The following SCHIP1 variants were observed in gnomAD, a reference collection of about 807,000 sequenced individuals.
The protein encoded by SCHIP1 is schwannomin-interacting protein 1.
In SCHIP1, 8 loss-of-function variants were observed where a neutral mutation model predicts 29.7. The ratio of observed to expected loss-of-function variants is 0.27; its 90% CI spans 0.16 to 0.49. The LOEUF (loss-of-function observed/expected upper bound fraction) is 0.49. Ranked by LOEUF, SCHIP1 falls within the 20% of genes least tolerant of loss-of-function variation. The pLI is 0.99. For synonymous variants in SCHIP1, 76 were observed against 94.9 expected (o/e 0.80, Z 1.16); for missense variants, 193 against 294.6 (o/e 0.66, Z 2.52).
At chr3:159,481,216 T>C in the SCHIP1 span, among the ~76,000 whole-genome samples, 273 of 152,268 alleles carry the variant, frequency 1.8e-3, 1 homozygote, top group African/African-American at 6.4e-3. Context: ...ACCTACTAAA[T>C]CAGAAATTCT....
chr3:159,626,179 T>TAGATAGATAGATAGATAGATAG, the SCHIP1 span, among the ~76,000 whole-genome samples: 4 of 106,960 alleles, frequency 3.7e-5, no homozygotes, highest in Non-Finnish European at 3.4e-5. Flanking sequence ...TATCTATCTA[T>TAGATAGATAGATAGATAGATAG]CTAGATAGAT....
chr3:159,592,625 A>G, the SCHIP1 span, among the ~76,000 whole-genome samples: 2 of 151,766 alleles, frequency 1.3e-5, no homozygotes, highest in African/African-American at 2.4e-5. Flanking sequence ...ACTCCTTCAC[A>G]TCTTGCAGTA....
At chr3:159,562,466 A>T in the SCHIP1 span, among the ~76,000 whole-genome samples, 1 of 152,196 alleles carries the variant, frequency 6.6e-6, no homozygotes, top group Non-Finnish European at 1.5e-5. Context: ...CTGGCTACCT[A>T]TCAGCTGAGT....
chr3:159,691,857 G>A, the SCHIP1 span, among the ~76,000 whole-genome samples: 62 of 152,130 alleles, frequency 4.1e-4, no homozygotes, highest in Middle Eastern at 3.4e-3. Flanking sequence ...CTTCATTTAC[G>A]AAGCTTAGTT....
the SCHIP1 span, among the ~76,000 whole-genome samples, chr3:159,786,328 C>T: frequency 6.6e-6 from 1 of 152,006 alleles, no homozygotes. Context: ...TCTATGATAC[C>T]CTTATTGTGA....
the SCHIP1 span, among the ~76,000 whole-genome samples, chr3:159,684,497 G>A: frequency 6.6e-6 from 1 of 151,912 alleles, no homozygotes; most frequent in African/African-American, 2.4e-5. Context: ...TATAAATTAA[G>A]TCTCAGGTAG....
At chr3:159,276,951 C>T in the SCHIP1 span, among the ~76,000 whole-genome samples, 1 of 151,794 alleles carries the variant, frequency 6.6e-6, no homozygotes, top group Admixed American at 6.6e-5. Context: ...TTCTGACTCT[C>T]ATCTTGGATT....
the SCHIP1 span, among the ~76,000 whole-genome samples, chr3:159,308,710 C>T: frequency 1.3e-5 from 2 of 152,158 alleles, no homozygotes; most frequent in Non-Finnish European, 2.9e-5. Flanking sequence ...GACATATGCA[C>T]TTGTATGTTT....
intron 1 of SCHIP1, among the ~76,000 whole-genome samples, chr3:159,859,235 A>G (rs1713754735): frequency 6.6e-6 from 1 of 152,228 alleles, no homozygotes; most frequent in African/African-American, 2.4e-5. Flanking sequence ...ATTCTGGTCT[A>G]GTGACAAATT....
At chr3:159,538,295 G>A in the SCHIP1 span, among the ~76,000 whole-genome samples, 1 of 152,092 alleles carries the variant, frequency 6.6e-6, no homozygotes, top group Non-Finnish European at 1.5e-5. Flanking sequence ...AGCAATATTT[G>A]ACTAAAAATT....
At chr3:159,892,323 C>A in intron 6 of SCHIP1, 133 bp downstream of exon 7, 1 of 999,312 alleles carries the variant, frequency 1.0e-6, no homozygotes, top group Non-Finnish European at 1.5e-6. Context: ...TTTCTGGTGC[C>A]AGCTGTTCAG....
chr3:159,806,196 A>G, the SCHIP1 span, among the ~76,000 whole-genome samples: 1 of 144,122 alleles, frequency 6.9e-6, no homozygotes, highest in South Asian at 2.3e-4. Context: ...AACAACCCCA[A>G]ATACACATCT....
chr3:159,638,648 G>A, the SCHIP1 span, among the ~76,000 whole-genome samples: 2 of 151,208 alleles, frequency 1.3e-5, no homozygotes, highest in African/African-American at 2.4e-5. Flanking sequence ...GAGGGGGTGC[G>A]ATCTCTGCCA....
At chr3:159,696,522 C>A in the SCHIP1 span, among the ~76,000 whole-genome samples, 16 of 152,252 alleles carry the variant, frequency 1.1e-4, no homozygotes, top group African/African-American at 3.9e-4. Flanking sequence ...TCTACTAGAG[C>A]ACTTGCCATA....
chr3:159,327,682 A>G, the SCHIP1 span, among the ~76,000 whole-genome samples: 22 of 152,006 alleles, frequency 1.4e-4, no homozygotes, highest in Admixed American at 1.2e-3. Flanking sequence ...TTCTTCATAC[A>G]TTTTCCCTCA....
At chr3:159,388,437 T>G in the SCHIP1 span, among the ~76,000 whole-genome samples, 1 of 152,078 alleles carries the variant, frequency 6.6e-6, no homozygotes, top group Non-Finnish European at 1.5e-5. Context: ...CCAAGAATAA[T>G]GAAGTGGTTG....
chr3:159,439,151 T>G, the SCHIP1 span, among the ~76,000 whole-genome samples: 1 of 152,172 alleles, frequency 6.6e-6, no homozygotes, highest in Non-Finnish European at 1.5e-5. Flanking sequence ...CACCAATATC[T>G]GTTGTTTTTT....
At chr3:159,878,058 A>G (rs1394799868) in intron 2 of SCHIP1, among the ~76,000 whole-genome samples, 1 of 152,260 alleles carries the variant, frequency 6.6e-6, no homozygotes. Flanking sequence ...AAGTCCCTGC[A>G]TAGACATGGC....
chr3:159,747,082 T>C, the SCHIP1 span, among the ~76,000 whole-genome samples: 1,556 of 152,290 alleles, frequency 0.01, 39 homozygotes, highest in Non-Finnish European at 9.8e-3. Flanking sequence ...CAGCTCTCTC[T>C]CCCCAGATAT....
Sources: allele counts gnomAD v4.1 joint callset (sites outside exome capture counted in the v4.1 genomes callset), GRCh38; gene constraint gnomAD v4.1.1; transcripts MANE v1.5; gene names NCBI Gene and HGNC (gene_info 2026-07-23, HGNC 2026-07-21).